SNTB1: variants seen among roughly 807,000 people sequenced by gnomAD.
The protein encoded by SNTB1 is syntrophin beta 1.
Under a neutral mutation model 48.9 loss-of-function variants are expected in SNTB1, and 36 were observed. The observed-to-expected ratio is 0.74, with a 90% CI of 0.56 to 0.97. The LOEUF (loss-of-function observed/expected upper bound fraction) is 0.97, where lower values mean the gene tolerates loss of function less well. Ranked by LOEUF, SNTB1 falls within the 50% of genes least tolerant of loss-of-function variation. The probability of loss-of-function intolerance (pLI) is 0.00; values close to 1 mark genes in which losing one functional copy is unlikely to be tolerated. For missense variants in SNTB1, 786 were observed against 703.4 expected, an observed-to-expected ratio of 1.12 and a Z score of -1.33; for synonymous variants, 299 against 294.6, an observed-to-expected ratio of 1.01 and a Z score of -0.15.
At chr8:120,568,396 T>G (rs1815788089) in intron 4 of SNTB1, among the ~76,000 whole-genome samples, 1 of 152,182 alleles carries the variant, frequency 6.6e-6, no homozygotes, top group Admixed American at 6.5e-5. Context: ...TAAAAGTCTT[T>G]TTCTAGGTAC....
intron 3 of SNTB1, among the ~76,000 whole-genome samples, chr8:120,596,389 T>C (rs1816325709): frequency 6.6e-6 from 1 of 152,234 alleles, no homozygotes; most frequent in East Asian, 1.9e-4. Context: ...ACCTCCTCTG[T>C]TTATTAAACC....
intron 3 of SNTB1, among the ~76,000 whole-genome samples, chr8:120,608,629 C>A (rs970608948): frequency 1.3e-5 from 2 of 152,174 alleles, no homozygotes; most frequent in African/African-American, 2.4e-5. Context: ...GTTATTTAAC[C>A]CACTCAGTCT....
intron 1 of SNTB1, among the ~76,000 whole-genome samples, chr8:120,755,163 TGTGTGTGTGAGAGA>T (rs749388787): frequency 1.5e-5 from 2 of 130,550 alleles, no homozygotes; most frequent in African/African-American, 7.1e-5. Context: ...TGTGTGTGTG[TGTGTGTGTGAGAGA>T]GAGAGAGAGA....
intron 1 of SNTB1, among the ~76,000 whole-genome samples, chr8:120,715,828 T>C (rs1219232579): frequency 1.3e-5 from 2 of 152,200 alleles, no homozygotes; most frequent in African/African-American, 4.8e-5. Context: ...GTGGAGAGAC[T>C]GTTTTGAGAA....
intron 1 of SNTB1, among the ~76,000 whole-genome samples, chr8:120,774,013 T>C (rs975933983): frequency 6.6e-6 from 1 of 152,224 alleles, no homozygotes; most frequent in Admixed American, 6.5e-5. Context: ...AAGCTGGCAC[T>C]GTGTCTGTGT....
chr8:120,685,208 G>T (rs1273771089), intron 2 of SNTB1, among the ~76,000 whole-genome samples: 1 of 152,202 alleles, frequency 6.6e-6, no homozygotes, highest in Non-Finnish European at 1.5e-5. Flanking sequence ...TTATGGCTCT[G>T]CTAGGCACTG....
intron 4 of SNTB1, among the ~76,000 whole-genome samples, chr8:120,567,287 C>G (rs1815768170): frequency 6.6e-6 from 1 of 152,154 alleles, no homozygotes. Context: ...AGACCTGAAT[C>G]TTAATAAACA....
At chr8:120,602,894 T>G (rs974673953) in intron 3 of SNTB1, among the ~76,000 whole-genome samples, 11 of 151,836 alleles carry the variant, frequency 7.2e-5, no homozygotes, top group African/African-American at 2.7e-4. Flanking sequence ...ATTAAACTTT[T>G]AAAAAGCGTT....
chr8:120,575,259 G>T lies in SNTB1; in HGVS notation c.997-34C>A, dbSNP rs188685632. The stretch of plus-strand genomic sequence containing the variant: ...GAAAGCAGAGAACTGTCAAATGACA[G>T]CCTGAGGAAAGGATGATTATGAGAA... On this transcript the variant is annotated intron_variant, in intron 3 of 6. Coordinates refer to ENST00000517992, the MANE Select transcript of SNTB1 (RefSeq NM_021021.4). 4 of 1,613,592 alleles carry T rather than the reference G, an allele frequency of 2.5e-6. No individual in the cohort carries two copies. In the South Asian group the frequency reaches 3.3e-5, roughly 13 times the overall value.
chr8:120,627,990 C>T (rs1816912235), intron 3 of SNTB1, among the ~76,000 whole-genome samples: 1 of 152,144 alleles, frequency 6.6e-6, no homozygotes, highest in African/African-American at 2.4e-5. Flanking sequence ...GTATGAATTA[C>T]CAACTTCCTT....
intron 2 of SNTB1, among the ~76,000 whole-genome samples, chr8:120,680,480 A>G (rs1283115943): frequency 6.6e-6 from 1 of 152,200 alleles, no homozygotes; most frequent in African/African-American, 2.4e-5. Flanking sequence ...ATAGATACAC[A>G]CCTTATATGT....
intron 3 of SNTB1, among the ~76,000 whole-genome samples, chr8:120,600,646 C>T (rs1338604017): frequency 6.6e-6 from 1 of 152,078 alleles, no homozygotes; most frequent in Admixed American, 6.6e-5. Context: ...ATCAATTTGT[C>T]ATTTAATTTA....
At chr8:120,788,057 G>T (rs1199075878) in intron 1 of SNTB1, among the ~76,000 whole-genome samples, 1 of 152,156 alleles carries the variant, frequency 6.6e-6, no homozygotes, top group Non-Finnish European at 1.5e-5. Context: ...ATCTAGAAGG[G>T]ATTGGGGTCC....
chr8:120,780,561 G>A lies in SNTB1; in HGVS notation c.571+30712C>T, dbSNP rs537727333. Among the ~76,000 whole-genome samples, 15 of 152,296 alleles carry A rather than the reference G, an allele frequency of 9.8e-5. 1 individual carries two copies. Among genetic ancestry groups the A allele is most frequent in the Admixed American group, 4.6e-4 (7 of 15,300 alleles). On this transcript the variant is annotated intron_variant, in intron 1 of 6. Transcript: ENST00000517992. ...ATAAGTCAAAGCCATTTACTTTATA[G>A]CATTTCCAGAAAAATCTGAATTGCA...
chr8:120,703,287 G>T (rs1224439951), intron 1 of SNTB1, among the ~76,000 whole-genome samples: 1 of 152,148 alleles, frequency 6.6e-6, no homozygotes, highest in Non-Finnish European at 1.5e-5. Flanking sequence ...ACCACACCTG[G>T]CTGATTTTTG....
chr8:120,578,847 C>G (rs1032333234), intron 3 of SNTB1, among the ~76,000 whole-genome samples: 1 of 152,164 alleles, frequency 6.6e-6, no homozygotes, highest in African/African-American at 2.4e-5. Context: ...TCAATGATCT[C>G]TCTGTTCAGA....
chr8:120,702,941 G>A (rs996112239), intron 1 of SNTB1, among the ~76,000 whole-genome samples: 1 of 152,146 alleles, frequency 6.6e-6, no homozygotes, highest in Non-Finnish European at 1.5e-5. Context: ...ATAAGGTTAT[G>A]AGGATTAAAT....
At chr8:120,630,176 A>G (rs1469633466) in intron 3 of SNTB1, among the ~76,000 whole-genome samples, 1 of 152,080 alleles carries the variant, frequency 6.6e-6, no homozygotes, top group Non-Finnish European at 1.5e-5. Context: ...CCTTCTCTGT[A>G]CCCTGGAAGA....
chr8:120,805,515 G>C (rs1820321152), intron 1 of SNTB1, among the ~76,000 whole-genome samples: 1 of 151,900 alleles, frequency 6.6e-6, no homozygotes. Flanking sequence ...AAGGCATGTG[G>C]GTGGTCTCTA....
Sources: allele counts gnomAD v4.1 joint callset (sites outside exome capture counted in the v4.1 genomes callset), GRCh38; gene constraint gnomAD v4.1.1; transcripts MANE v1.5; gene names NCBI Gene and HGNC (gene_info 2026-07-23, HGNC 2026-07-21).